MAGOHB: variants seen among roughly 807,000 people sequenced by gnomAD.
MAGOHB encodes the protein protein mago nashi homolog 2.
MAGOHB carries 15 observed loss-of-function variants against 20.9 expected under a neutral mutation model. The observed-to-expected ratio is 0.72, with a 90% CI of 0.48 to 1.11. The LOEUF (loss-of-function observed/expected upper bound fraction) is 1.11. Among genes scored for constraint, MAGOHB ranks in the 50% least tolerant of loss-of-function variants. MAGOHB has a pLI of 0.00. For synonymous variants in MAGOHB, 50 were observed against 57.9 expected (o/e 0.86, Z 0.62); for missense variants, 162 against 177.6 (o/e 0.91, Z 0.50).
At chr12:10,608,031 G>A (rs1019937518) in intron 3 of MAGOHB, 95 bp from the exon 4 acceptor site, 2 of 679,252 alleles carry the variant, frequency 2.9e-6, no homozygotes, top group Non-Finnish European at 4.9e-6. Context: ...TTAGTTGCAA[G>A]TTTTCTAGCA....
chr12:10,608,062 G>C, intron 3 of MAGOHB, 126 bp from the exon 4 acceptor site: 3 of 582,730 alleles, frequency 5.1e-6, no homozygotes, highest in Non-Finnish European at 5.9e-6. Flanking sequence ...GGAGTGGGGG[G>C]CGAGGGGGAA....
intron 1 of MAGOHB, among the ~76,000 whole-genome samples, chr12:10,611,816 G>A (rs1865747936): frequency 6.7e-6 from 1 of 148,428 alleles, no homozygotes; most frequent in South Asian, 2.2e-4. Flanking sequence ...ATCACCAATG[G>A]AAGTATGTGT....
At chr12:10,609,375 T>C (rs1311747259) in intron 3 of MAGOHB, 2 of 441,960 alleles carry the variant, frequency 4.5e-6, no homozygotes, top group South Asian at 3.2e-5. Flanking sequence ...CTGAGAAACA[T>C]CATTTATTCT....
In MAGOHB at chr12:10,605,039, AG is replaced by A. The variant is rs1460664152; in HGVS notation, c.*1235del. ...TATAATAGAGATATTACAGTAAAAA[AG>A]ATGTTAAGTATAGAATCTAGGTAGG... On this transcript the variant is annotated 3_prime_UTR_variant, in exon 5 of 5. Transcript: ENST00000320756. 2 of 152,224 alleles carry A rather than the reference AG, an allele frequency of 1.3e-5. No individual in the cohort carries two copies. Among genetic ancestry groups the A allele is most frequent in the African/African-American group, 4.8e-5 (2 of 41,462 alleles). 9.4% of individuals were successfully genotyped at this position (152,224 alleles called of 1,614,324 possible). A position where few individuals can be genotyped will look rare whatever the true frequency, so the allele number is the denominator to read the frequency against.
chr12:10,610,025 T>A, intron 2 of MAGOHB, 84 bp from the exon 3 acceptor site: 1 of 690,746 alleles, frequency 1.4e-6, no homozygotes, highest in Non-Finnish European at 2.4e-6. Context: ...AAACCCTGAA[T>A]ATCCAAATAG....
chr12:10,607,745 T>C (rs1225262674), intron 4 of MAGOHB, 109 bp downstream of exon 4: 8 of 658,040 alleles, frequency 1.2e-5, no homozygotes, highest in Admixed American at 6.2e-5. Flanking sequence ...ATCTGCATAA[T>C]AAACTGATAG....
intron 4 of MAGOHB, among the ~76,000 whole-genome samples, chr12:10,607,481 T>C (rs1042910196): frequency 1.6e-4 from 25 of 152,116 alleles, no homozygotes; most frequent in Admixed American, 7.9e-4. Flanking sequence ...TCCATCTTTT[T>C]CCCAAGTATT....
intron 3 of MAGOHB, 164 bp downstream of exon 3, chr12:10,609,667 C>G (rs527288529): frequency 3.2e-5 from 19 of 589,980 alleles, no homozygotes; most frequent in Non-Finnish European, 5.3e-5. Context: ...GGAGGTAGCA[C>G]AGAAAAACAG....
At position 10,604,328 on chromosome 12, in the gene MAGOHB, A is replaced by C. The variant is rs2120494646; in HGVS notation, c.*1947T>G. 6.6e-6 allele frequency: 1 copy of C among 152,382 alleles called. No homozygotes were observed. The highest frequency in any genetic ancestry group is 6.5e-5 in the Admixed American group (1 of 15,314). 9.4% of individuals were successfully genotyped at this position (152,382 alleles called of 1,614,324 possible). A position where few individuals can be genotyped will look rare whatever the true frequency, so the allele number is the denominator to read the frequency against. On this transcript the variant is annotated 3_prime_UTR_variant, in exon 5 of 5. Transcript: ENST00000320756. ...TGATCACTGTCCATCAGCAACTTAC[A>C]ATCAAATAAAAGACAGATCAAAGTA... is the stretch of plus-strand genomic sequence containing the variant.
chr12:10,608,688 AG>A (rs1345107312), intron 3 of MAGOHB: 2 of 151,902 alleles, frequency 1.3e-5, no homozygotes, highest in African/African-American at 4.8e-5. Context: ...GTTTATCTGC[AG>A]GCCTAAAACC....
chr12:10,612,684 T>C, intron 1 of MAGOHB: 1 of 1,157,078 alleles, frequency 8.6e-7, no homozygotes, highest in Non-Finnish European at 1.1e-6. Flanking sequence ...AAACGTGCAT[T>C]CAAAAAAACC....
downstream of MAGOHB, among the ~76,000 whole-genome samples, chr12:10,600,563 G>C (rs1865544365): frequency 6.6e-6 from 1 of 152,134 alleles, no homozygotes. Context: ...TTAAGAAAAA[G>C]ATACTGGCAA....
At position 10,604,649 on chromosome 12, in the gene MAGOHB, G is replaced by A. The variant is rs1369292290; in HGVS notation, c.*1626C>T. 6.6e-6 allele frequency: 1 copy of A among 152,146 alleles called. No homozygotes were observed. The highest frequency in any genetic ancestry group is 1.5e-5 in the Non-Finnish European group (1 of 68,026). The allele number at this position is 152,146 out of a possible 1,614,324, so 9.4% of individuals were successfully genotyped here. A position where few individuals can be genotyped will look rare whatever the true frequency, so the allele number is the denominator to read the frequency against. ...GACGATTGTTCCTGTTTCTGAGGTT[G>A]ACATCTAAATGCAAGAAAATTACAA... On this transcript the variant is annotated 3_prime_UTR_variant, in exon 5 of 5. Coordinates refer to ENST00000320756, the MANE Select transcript of MAGOHB (RefSeq NM_018048.5).
intron 2 of MAGOHB, 96 bp from the exon 3 acceptor site, chr12:10,610,037 G>C: frequency 1.6e-6 from 1 of 620,234 alleles, no homozygotes; most frequent in Non-Finnish European, 2.7e-6. Flanking sequence ...TCCAAATAGA[G>C]GAATATAGAA....
Position 10,606,296 on chromosome 12 carries a change from G to T in MAGOHB, c.426C>A (p.His142Gln). The T allele has an allele frequency of 6.5e-7, 1 of 1,545,106 alleles. No individual in the cohort carries two copies. The highest frequency in any genetic ancestry group is 8.8e-7 in the Non-Finnish European group (1 of 1,133,572). Residue 142 changes from histidine (H) to glutamine (Q), a missense_variant, in exon 5 of 5, where the codon CAC becomes CAA. By Grantham distance (24) the His-to-Gln change is conservative. Transcript: ENST00000320756. ...KCLVFSLIGL[H>Q]FKIKPI is the part of the protein sequence containing the mutation. Reference sequence around the variant, plus strand: ...CAATTTAAATTGGTTTAATCTTGAAGTGTAATCCAATAAGACTGAAAACTA... The same window carrying T: ...CAATTTAAATTGGTTTAATCTTGAATTGTAATCCAATAAGACTGAAAACTA...
intron 1 of MAGOHB, among the ~76,000 whole-genome samples, chr12:10,612,227 T>TA (rs1468593600): frequency 6.7e-6 from 1 of 149,514 alleles, no homozygotes; most frequent in Non-Finnish European, 1.5e-5. Context: ...TAACATAACA[T>TA]AACATAACAT....
At chr12:10,606,434 G>A (rs1183852236) in intron 4 of MAGOHB, 60 bp from the exon 5 acceptor site, 4 of 802,834 alleles carry the variant, frequency 5.0e-6, no homozygotes, top group Admixed American at 3.2e-5. Context: ...TTCTTTAAAT[G>A]CCTAAAACAA....
At chr12:10,608,522 A>T (rs1234724437) in intron 3 of MAGOHB, 7 of 150,618 alleles carry the variant, frequency 4.6e-5, no homozygotes. Context: ...ACTAATAATG[A>T]TGGTACTTAT....
At chr12:10,601,199 C>T (rs1865551637), downstream of MAGOHB, among the ~76,000 whole-genome samples, 1 of 151,996 alleles carries the variant, frequency 6.6e-6, no homozygotes, top group African/African-American at 2.4e-5. Context: ...GTAGTAATAG[C>T]GGATGTTGAA....
Sources: allele counts gnomAD v4.1 joint callset (sites outside exome capture counted in the v4.1 genomes callset), GRCh38; gene constraint gnomAD v4.1.1; transcripts MANE v1.5; gene names NCBI Gene and HGNC (gene_info 2026-07-23, HGNC 2026-07-21).